Variants in KIF5C observed in about 807,000 individuals in gnomAD.
KIF5C encodes kinesin heavy chain isoform 5C.
In KIF5C, 18 loss-of-function variants were observed where a neutral mutation model predicts 125.2. The ratio of observed to expected loss-of-function variants is 0.14; its 90% CI spans 0.10 to 0.21. KIF5C has a LOEUF of 0.21. Among genes scored for constraint, KIF5C ranks in the 10% least tolerant of loss-of-function variants. The pLI is 1.00. For synonymous variants in KIF5C, 405 were observed against 434.0 expected (o/e 0.93, Z 0.83); for missense variants, 780 against 1,183.8 (o/e 0.66, Z 5.01).
chr2:148,959,016 T>A (rs1682864441), intron 10 of KIF5C, among the ~76,000 whole-genome samples: 1 of 152,098 alleles, frequency 6.6e-6, no homozygotes, highest in South Asian at 2.1e-4. Flanking sequence ...CCCCAAGGTC[T>A]TGAAGATACT....
At chr2:148,922,436 T>C (rs550177615) in intron 2 of KIF5C, among the ~76,000 whole-genome samples, 242 of 152,236 alleles carry the variant, frequency 1.6e-3, no homozygotes, top group Non-Finnish European at 2.9e-3. Context: ...TTCAAGGACA[T>C]GTCTTTATTT....
intron 25 of KIF5C, among the ~76,000 whole-genome samples, chr2:149,016,105 T>C (rs980962724): frequency 6.6e-6 from 1 of 152,122 alleles, no homozygotes; most frequent in African/African-American, 2.4e-5. Context: ...TGAGGGTTAT[T>C]TGAGGAATGT....
intron 19 of KIF5C, 84 bp from the exon 20 acceptor site, chr2:149,000,339 G>T (rs1419205683): frequency 1.3e-6 from 2 of 1,500,978 alleles, no homozygotes; most frequent in Admixed American, 2.0e-5. Flanking sequence ...AGCTAATAGG[G>T]TTGGAACAGA....
intron 1 of KIF5C, 66 bp downstream of exon 1, chr2:148,875,809 G>A (rs1320603716): frequency 1.3e-6 from 2 of 1,545,472 alleles, no homozygotes; most frequent in Non-Finnish European, 1.7e-6. Flanking sequence ...CGACGCCCCA[G>A]ACGCAGCGGA....
Position 148,949,828 on chromosome 2 carries a change from C to T in KIF5C, c.715-11C>T, listed in dbSNP as rs1238853573. 1 of 1,613,156 alleles carries T rather than the reference C, an allele frequency of 6.2e-7. No homozygotes were observed. On this transcript the variant is annotated splice_polypyrimidine_tract_variant and intron_variant, in intron 8 of 25. Transcript: ENST00000435030. ...CCTGTGCTGCTCACTGCTTTCTTTT[C>T]TCTCTGGTAGGTCAGCAAAACTGGT... is the stretch of plus-strand genomic sequence containing the variant.
chr2:149,010,200 G>C lies in KIF5C; in HGVS notation c.2616G>C (p.Thr872=), dbSNP rs776886036. 8 of 1,557,296 alleles carry C rather than the reference G, an allele frequency of 5.1e-6. No homozygotes were observed. The highest frequency in any genetic ancestry group is 6.1e-6 in the Non-Finnish European group (7 of 1,151,084). The change falls in exon 24 of 26, where the codon ACG becomes ACC. Residue 872 remains threonine (T), a synonymous_variant. Coordinates refer to ENST00000435030, the MANE Select transcript of KIF5C (RefSeq NM_004522.3). ...LPKLEKRLRA[T]AERVKALESA... ...AGCTGGAGAAGCGGCTGCGTGCCACGGCGGAGCGCGTCAAGGCTCTGGAGA... is the reference window on the plus strand; with the variant it reads ...AGCTGGAGAAGCGGCTGCGTGCCACCGCGGAGCGCGTCAAGGCTCTGGAGA...
chr2:148,964,255 A>T (rs1389716945), intron 11 of KIF5C, among the ~76,000 whole-genome samples: 1 of 151,206 alleles, frequency 6.6e-6, no homozygotes, highest in Non-Finnish European at 1.5e-5. Flanking sequence ...AGCCTGGGCA[A>T]AAAGAGCAAA....
At chr2:148,922,268 T>A in intron 2 of KIF5C, 41 bp downstream of exon 2, 1 of 1,340,602 alleles carries the variant, frequency 7.5e-7, no homozygotes, top group Non-Finnish European at 1.1e-6. Flanking sequence ...CCATTCAGAG[T>A]AATTGAAAGC....
chr2:148,921,277 C>T (rs928085439), intron 1 of KIF5C, among the ~76,000 whole-genome samples: 5 of 152,218 alleles, frequency 3.3e-5, no homozygotes, highest in African/African-American at 1.2e-4. Context: ...GACCACACAC[C>T]TGGGGAAATC....
intron 1 of KIF5C, among the ~76,000 whole-genome samples, chr2:148,920,708 A>C (rs533427684): frequency 2.6e-5 from 4 of 152,370 alleles, no homozygotes; most frequent in African/African-American, 9.6e-5. Context: ...CCAAGTAATA[A>C]ATAAGTAGAA....
In KIF5C at chr2:149,010,261, G is replaced by A. The variant is rs1453038346; in HGVS notation, c.2677G>A (p.Asp893Asn). Residue 893 changes from aspartate (D) to asparagine (N), a missense_variant, in exon 24 of 26, where the codon GAC (aspartate) becomes AAC (asparagine). Coordinates refer to ENST00000435030, the MANE Select transcript of KIF5C (RefSeq NM_004522.3). Reference sequence around the variant, plus strand: ...GGAGGCCAAGGAGAACGCCATGCGGGACCGTAAGCGCTACCAGCAGGAGGT... The same window carrying A: ...GGAGGCCAAGGAGAACGCCATGCGGAACCGTAAGCGCTACCAGCAGGAGGT... ...LKEAKENAMR[D>N]RKRYQQEVDR... is the part of the protein sequence containing the mutation. 1 of 1,592,764 alleles carries A rather than the reference G, an allele frequency of 6.3e-7. No homozygotes were observed.
At chr2:148,996,799 G>A (rs1195647856) in intron 17 of KIF5C, among the ~76,000 whole-genome samples, 3 of 152,164 alleles carry the variant, frequency 2.0e-5, no homozygotes, top group South Asian at 2.1e-4. Context: ...GAGAATAAAC[G>A]CCTACCCATG....
chr2:148,899,702 CAAAAAAAAAAAA>C (rs771196518), intron 1 of KIF5C, among the ~76,000 whole-genome samples: 1 of 46,072 alleles, frequency 2.2e-5, no homozygotes, highest in Non-Finnish European at 4.7e-5. Context: ...AACTCCATCT[CAAAAAAAAAAAA>C]AAAAAAAAAA....
chr2:149,021,709 C>T (rs1574844597), intron 25 of KIF5C, among the ~76,000 whole-genome samples: 1 of 131,952 alleles, frequency 7.6e-6, no homozygotes, highest in Non-Finnish European at 1.6e-5. Context: ...TGTCAGGTTA[C>T]AGAGGGCTTT....
chr2:148,946,825 T>G, intron 7 of KIF5C, 74 bp from the exon 8 acceptor site: 1 of 1,582,262 alleles, frequency 6.3e-7, no homozygotes, highest in Non-Finnish European at 8.5e-7. Context: ...TGACTTGTTA[T>G]GCTTTTTAAA....
chr2:148,883,858 T>C (rs1441199025), intron 1 of KIF5C: 1 of 152,134 alleles, frequency 6.6e-6, no homozygotes, highest in Non-Finnish European at 1.5e-5. Flanking sequence ...CTTGTGGACT[T>C]GCCCAATTAT....
At chr2:148,933,185 A>G (rs1682216211) in intron 3 of KIF5C, among the ~76,000 whole-genome samples, 1 of 151,912 alleles carries the variant, frequency 6.6e-6, no homozygotes, top group African/African-American at 2.4e-5. Context: ...ACCCATCCCT[A>G]AACTTAACCA....
At chr2:148,922,318 A>G in intron 2 of KIF5C, 91 bp downstream of exon 2, 1 of 781,454 alleles carries the variant, frequency 1.3e-6, no homozygotes, top group East Asian at 2.8e-5. Flanking sequence ...ATGTGCCTTG[A>G]CTGTAAGCAG....
intron 15 of KIF5C, among the ~76,000 whole-genome samples, chr2:148,985,539 C>G (rs960890086): frequency 6.6e-6 from 1 of 152,186 alleles, no homozygotes; most frequent in Non-Finnish European, 1.5e-5. Flanking sequence ...TATAATAATA[C>G]AGCATCTTAT....
Sources: allele counts gnomAD v4.1 joint callset (sites outside exome capture counted in the v4.1 genomes callset), GRCh38; gene constraint gnomAD v4.1.1; transcripts MANE v1.5; gene names NCBI Gene and HGNC (gene_info 2026-07-23, HGNC 2026-07-21).